The following AFG1L variants were observed in gnomAD, a reference collection of about 807,000 sequenced individuals.
The protein encoded by AFG1L is AFG1-like ATPase.
A neutral mutation model predicts 62.2 loss-of-function variants in AFG1L; 53 were observed. That is an observed-to-expected ratio of 0.85 (90% CI 0.68 to 1.07). The LOEUF is 1.07. AFG1L is among the 50% of genes least tolerant of loss of function. AFG1L has a pLI of 0.00. For synonymous variants in AFG1L, 228 were observed against 210.3 expected, an observed-to-expected ratio of 1.08 and a Z score of -0.73; for missense variants, 555 against 590.5, an observed-to-expected ratio of 0.94 and a Z score of 0.62.
At chr6:108,328,155 A>G (rs1194879960) in intron 2 of AFG1L, among the ~76,000 whole-genome samples, 1 of 151,824 alleles carries the variant, frequency 6.6e-6, no homozygotes, top group African/African-American at 2.4e-5. Context: ...GTTATATGTG[A>G]TATATATATA....
chr6:108,408,254 C>T (rs532040105), intron 7 of AFG1L, among the ~76,000 whole-genome samples: 5 of 151,882 alleles, frequency 3.3e-5, no homozygotes, highest in Middle Eastern at 3.4e-3. Context: ...TCTGTTTTAG[C>T]CCTTCTAGGT....
At chr6:108,471,710 C>T (rs940821879) in intron 8 of AFG1L, among the ~76,000 whole-genome samples, 12 of 152,014 alleles carry the variant, frequency 7.9e-5, no homozygotes, top group African/African-American at 1.9e-4. Flanking sequence ...CCGCCCGCCT[C>T]GGCCTCCCAA....
intron 8 of AFG1L, among the ~76,000 whole-genome samples, chr6:108,447,509 G>A (rs1330263103): frequency 6.6e-6 from 1 of 152,070 alleles, no homozygotes; most frequent in Non-Finnish European, 1.5e-5. Context: ...ACCCTAATTA[G>A]TTTTTTGGGG....
At chr6:108,406,786 A>G (rs1781877205) in intron 7 of AFG1L, among the ~76,000 whole-genome samples, 1 of 152,082 alleles carries the variant, frequency 6.6e-6, no homozygotes, top group African/African-American at 2.4e-5. Context: ...TACAAAATAG[A>G]TTGTTATTCT....
chr6:108,322,198 G>C (rs1459716361), intron 1 of AFG1L, among the ~76,000 whole-genome samples: 1 of 152,150 alleles, frequency 6.6e-6, no homozygotes, highest in Non-Finnish European at 1.5e-5. Flanking sequence ...GTGAGCCACT[G>C]TGCCTGGCCG....
chr6:108,384,533 T>C (rs570334457), intron 6 of AFG1L, among the ~76,000 whole-genome samples: 16 of 152,292 alleles, frequency 1.1e-4, no homozygotes, highest in African/African-American at 3.8e-4. Flanking sequence ...ATTCACAGTA[T>C]AACATTCACG....
intron 1 of AFG1L, among the ~76,000 whole-genome samples, chr6:108,314,953 T>C (rs1777536303): frequency 6.6e-6 from 1 of 152,098 alleles, no homozygotes; most frequent in African/African-American, 2.4e-5. Flanking sequence ...ATTCTTGTGC[T>C]GCAGCCACAT....
chr6:108,344,825 A>T (rs1374510192), intron 2 of AFG1L: 1 of 470,464 alleles, frequency 2.1e-6, no homozygotes, highest in East Asian at 6.9e-5. Flanking sequence ...AGTGTAACAA[A>T]ATTCAAGATG....
At chr6:108,435,525 A>C (rs1771268707) in intron 7 of AFG1L, among the ~76,000 whole-genome samples, 1 of 151,976 alleles carries the variant, frequency 6.6e-6, no homozygotes, top group Admixed American at 6.6e-5. Flanking sequence ...GTCTCAACAA[A>C]AATTACAAAA....
intron 3 of AFG1L, among the ~76,000 whole-genome samples, chr6:108,348,060 GT>G (rs1778935461): frequency 6.6e-6 from 1 of 151,698 alleles, no homozygotes; most frequent in African/African-American, 2.4e-5. Flanking sequence ...GAATAAGTAG[GT>G]TTTGTTTTGT....
intron 3 of AFG1L, 49 bp from the exon 4 acceptor site, chr6:108,355,605 T>G: frequency 1.1e-6 from 1 of 914,438 alleles, no homozygotes; most frequent in East Asian, 2.8e-5. Context: ...ATTACAGCAA[T>G]CAGTACATAC....
At chr6:108,303,451 C>A (rs1232958562) in intron 1 of AFG1L, among the ~76,000 whole-genome samples, 1 of 152,194 alleles carries the variant, frequency 6.6e-6, no homozygotes, top group Non-Finnish European at 1.5e-5. Flanking sequence ...TGGATGCTAG[C>A]TCTTCCTGGT....
At chr6:108,510,467 C>T (rs1774602594) in intron 11 of AFG1L, 115 bp downstream of exon 11, 3 of 736,376 alleles carry the variant, frequency 4.1e-6, no homozygotes, top group Non-Finnish European at 6.5e-6. Flanking sequence ...CTCTTTGTGC[C>T]TCCATTCCCT....
chr6:108,395,782 TAGAG>T (rs1171548335), intron 6 of AFG1L, among the ~76,000 whole-genome samples: 3 of 135,362 alleles, frequency 2.2e-5, no homozygotes, highest in Admixed American at 1.6e-4. Flanking sequence ...GGGAGATAGG[TAGAG>T]AGGGAGGGAG....
At chr6:108,519,668 A>G in intron 11 of AFG1L, 29 bp from the exon 12 acceptor site, 1 of 1,189,414 alleles carries the variant, frequency 8.4e-7, no homozygotes, top group Non-Finnish European at 1.2e-6. Context: ...GTAAAGAGTA[A>G]CACATTTACC....
chr6:108,505,141 C>A (rs1432278265), intron 10 of AFG1L, among the ~76,000 whole-genome samples: 1 of 148,528 alleles, frequency 6.7e-6, no homozygotes, highest in African/African-American at 2.5e-5. Flanking sequence ...GTCACCCAGG[C>A]TGGAGTACAA....
At chr6:108,331,998 A>T (rs1434873033) in intron 2 of AFG1L, among the ~76,000 whole-genome samples, 2 of 152,104 alleles carry the variant, frequency 1.3e-5, no homozygotes, top group Non-Finnish European at 2.9e-5. Flanking sequence ...ATATCCTACC[A>T]TCTTTTATTT....
At chr6:108,381,425 G>A (rs1780514028) in intron 6 of AFG1L, among the ~76,000 whole-genome samples, 1 of 151,574 alleles carries the variant, frequency 6.6e-6, no homozygotes, top group Non-Finnish European at 1.5e-5. Context: ...TCAGGACCTG[G>A]GTGCATTTGC....
chr6:108,323,471 C>T (rs886614387), intron 1 of AFG1L, among the ~76,000 whole-genome samples: 1 of 152,042 alleles, frequency 6.6e-6, no homozygotes, highest in Non-Finnish European at 1.5e-5. Flanking sequence ...TCAAGCAATT[C>T]GTGCCTCAGC....
Sources: gnomAD v4.1 joint callset for allele counts (sites outside exome capture counted in the v4.1 genomes callset) on GRCh38, gnomAD v4.1.1 for gene constraint, MANE v1.5 for transcripts, NCBI Gene and HGNC (gene_info 2026-07-23, HGNC 2026-07-21) for gene names.